The following MYMX variants were observed in gnomAD, a reference collection of about 807,000 sequenced individuals.
The protein encoded by MYMX is protein myomixer.
chr6:44,208,376 G>A, the MYMX span, among the ~76,000 whole-genome samples: 2 of 152,086 alleles, frequency 1.3e-5, no homozygotes. Context: ...CTCCCTTAAT[G>A]CGATCAAAAA....
At chr6:44,207,191 C>T in the MYMX span, among the ~76,000 whole-genome samples, 128 of 152,118 alleles carry the variant, frequency 8.4e-4, no homozygotes, top group Admixed American at 1.8e-3. Context: ...GACGGAGTCT[C>T]GCGGTCTCCC....
Position 44,217,588 on chromosome 6 carries a change from C to A in MYMX, c.117C>A (p.Arg39=). The A allele has an allele frequency of 2.5e-6, 1 of 402,094 alleles. No individual in the cohort carries two copies. The highest frequency in any genetic ancestry group is 1.2e-4 in the South Asian group (1 of 8,050). The allele number at this position is 402,094 out of a possible 1,614,324, so 24.9% of individuals were successfully genotyped here. A position where few individuals can be genotyped will look rare whatever the true frequency, so the allele number is the denominator to read the frequency against. ...CCCTGCTGCGCCGATTGGCCCGCCG[C>A]CTGGGCTCCCAGGACATGCGAGAGG... ...LLPLLRRLAR[R]LGSQDMREAL... is the part of the protein sequence containing the mutation. Residue 39 remains arginine (R), a synonymous_variant, in exon 2 of 2, where the codon CGC becomes CGA. Coordinates refer to ENST00000573382, the MANE Select transcript of MYMX (RefSeq NM_001315494.2).
chr6:44,208,220 T>A, the MYMX span, among the ~76,000 whole-genome samples: 1 of 149,704 alleles, frequency 6.7e-6, no homozygotes, highest in African/African-American at 2.5e-5. Flanking sequence ...GCATGCCAGC[T>A]TGGGCAACAG....
At chr6:44,196,764 G>A in the MYMX span, among the ~76,000 whole-genome samples, 1 of 152,164 alleles carries the variant, frequency 6.6e-6, no homozygotes, top group Non-Finnish European at 1.5e-5. Flanking sequence ...TTCAAGACCA[G>A]CCTGACCAAA....
At chr6:44,204,516 A>T in the MYMX span, among the ~76,000 whole-genome samples, 4 of 152,186 alleles carry the variant, frequency 2.6e-5, no homozygotes, top group Non-Finnish European at 1.5e-5. Context: ...ATTTTAAGAA[A>T]CTGTAGACAT....
the MYMX span, among the ~76,000 whole-genome samples, chr6:44,211,896 C>T: frequency 6.6e-6 from 1 of 151,234 alleles, no homozygotes; most frequent in Non-Finnish European, 1.5e-5. Flanking sequence ...TCTGCCACCT[C>T]CTCCCCCCAA....
chr6:44,198,154 CTTTTTTTTTTTTTTTT>C, the MYMX span, among the ~76,000 whole-genome samples: 2 of 79,770 alleles, frequency 2.5e-5, no homozygotes, highest in Admixed American at 1.6e-4. Flanking sequence ...CCAAATTCCT[CTTTTTTTTTTTTTTTT>C]TTTTTTTTTT....
chr6:44,198,072 T>G, the MYMX span, among the ~76,000 whole-genome samples: 1 of 152,018 alleles, frequency 6.6e-6, no homozygotes, highest in Admixed American at 6.6e-5. Flanking sequence ...TATTATACTA[T>G]TCTCATAATT....
At chr6:44,207,340 C>T in the MYMX span, among the ~76,000 whole-genome samples, 12 of 152,002 alleles carry the variant, frequency 7.9e-5, no homozygotes, top group Non-Finnish European at 8.8e-5. Context: ...GGGGTTTCAC[C>T]GTGTTAGCCA....
At chr6:44,196,826 C>T in the MYMX span, among the ~76,000 whole-genome samples, 1 of 152,010 alleles carries the variant, frequency 6.6e-6, no homozygotes, top group African/African-American at 2.4e-5. Context: ...GATGTGGTGG[C>T]ACATGCCTGT....
chr6:44,216,881 G>C (rs553204879), upstream of MYMX: 1 of 152,714 alleles, frequency 6.5e-6, no homozygotes, highest in African/African-American at 2.4e-5. Flanking sequence ...AGAGCAGGGC[G>C]GGGCTACCCC....
At chr6:44,203,733 C>T in the MYMX span, among the ~76,000 whole-genome samples, 1 of 152,298 alleles carries the variant, frequency 6.6e-6, no homozygotes, top group East Asian at 1.9e-4. Context: ...TTTCCTTTCA[C>T]ATTTCTTACA....
At chr6:44,210,996 T>G in the MYMX span, among the ~76,000 whole-genome samples, 2 of 152,088 alleles carry the variant, frequency 1.3e-5, no homozygotes, top group Non-Finnish European at 1.5e-5. Flanking sequence ...CCCGTAGTAG[T>G]ACTAGTTACT....
chr6:44,196,688 G>A, the MYMX span, among the ~76,000 whole-genome samples: 1 of 152,298 alleles, frequency 6.6e-6, no homozygotes, highest in East Asian at 1.9e-4. Flanking sequence ...GACGGGCGCA[G>A]TGGTTCATGC....
At chr6:44,207,719 C>T in the MYMX span, among the ~76,000 whole-genome samples, 1 of 151,744 alleles carries the variant, frequency 6.6e-6, no homozygotes, top group Non-Finnish European at 1.5e-5. Flanking sequence ...TTTAGTAGAG[C>T]GAGGTTTCTC....
chr6:44,198,741 G>A, the MYMX span, among the ~76,000 whole-genome samples: 6 of 149,392 alleles, frequency 4.0e-5, no homozygotes, highest in East Asian at 1.2e-3. Context: ...TTGGTCTGTC[G>A]CCCAGGCTGG....
At chr6:44,198,844 G>C in the MYMX span, among the ~76,000 whole-genome samples, 3 of 151,968 alleles carry the variant, frequency 2.0e-5, no homozygotes, top group African/African-American at 7.3e-5. Flanking sequence ...TCAAACTCCT[G>C]ACCTCAAGTG....
chr6:44,214,268 G>A (rs1166595921), upstream of MYMX, among the ~76,000 whole-genome samples: 1 of 152,230 alleles, frequency 6.6e-6, no homozygotes, highest in East Asian at 1.9e-4. Flanking sequence ...TATCTGACAA[G>A]TGGTGAGATT....
the MYMX span, among the ~76,000 whole-genome samples, chr6:44,210,715 A>T: frequency 6.6e-6 from 1 of 152,376 alleles, no homozygotes; most frequent in Non-Finnish European, 1.5e-5. Context: ...TCATTTCCCA[A>T]CAAGATAAAA....
Sources: gnomAD v4.1 joint callset for allele counts (sites outside exome capture counted in the v4.1 genomes callset) on GRCh38, gnomAD v4.1.1 for gene constraint, MANE v1.5 for transcripts, NCBI Gene and HGNC (gene_info 2026-07-23, HGNC 2026-07-21) for gene names.